Variants in LSAMP observed in about 807,000 individuals in gnomAD.
LSAMP encodes the protein limbic system associated membrane protein.
In LSAMP, 7 loss-of-function variants were observed where a neutral mutation model predicts 38.6. The observed-to-expected ratio is 0.18, with a 90% CI of 0.10 to 0.34. LSAMP has a LOEUF of 0.34. LSAMP is among the 10% of genes least tolerant of loss of function. The pLI, the probability that LSAMP is intolerant of heterozygous loss-of-function variation, is 1.00. For synonymous variants in LSAMP, 154 were observed against 166.8 expected, an observed-to-expected ratio of 0.92 and a Z score of 0.59; for missense variants, 313 against 420.0, an observed-to-expected ratio of 0.75 and a Z score of 2.23.
intron 1 of LSAMP, among the ~76,000 whole-genome samples, chr3:116,100,307 T>C (rs1374592611): frequency 6.6e-6 from 1 of 152,110 alleles, no homozygotes; most frequent in African/African-American, 2.4e-5. Context: ...CTCAAACTCC[T>C]GACCTCAAGT....
intron 1 of LSAMP, among the ~76,000 whole-genome samples, chr3:116,246,269 T>C (rs1032430525): frequency 2.0e-5 from 3 of 152,188 alleles, no homozygotes; most frequent in Non-Finnish European, 4.4e-5. Flanking sequence ...ACATTCTCTA[T>C]ATTCCTGAAT....
intron 2 of LSAMP, among the ~76,000 whole-genome samples, chr3:116,068,704 T>C (rs927425253): frequency 3.9e-5 from 6 of 152,232 alleles, no homozygotes; most frequent in African/African-American, 1.2e-4. Flanking sequence ...ATCAACTATC[T>C]CAACATTCTA....
At chr3:116,066,581 G>A (rs534257472) in intron 2 of LSAMP, among the ~76,000 whole-genome samples, 9 of 151,942 alleles carry the variant, frequency 5.9e-5, no homozygotes, top group African/African-American at 1.2e-4. Context: ...TTCTGATACC[G>A]CCACTTTCTG....
chr3:115,950,795 T>C (rs1938257310), intron 3 of LSAMP, among the ~76,000 whole-genome samples: 2 of 26,784 alleles, frequency 7.5e-5, no homozygotes, highest in Non-Finnish European at 1.2e-4. Context: ...AAGCAAGACT[T>C]AGCAAAAAAA....
chr3:115,961,015 A>C (rs1385834331), intron 3 of LSAMP, among the ~76,000 whole-genome samples: 1 of 152,204 alleles, frequency 6.6e-6, no homozygotes, highest in Non-Finnish European at 1.5e-5. Flanking sequence ...TGTGCAAGCC[A>C]CATTAAACCT....
intron 3 of LSAMP, among the ~76,000 whole-genome samples, chr3:116,019,045 G>A (rs796771207): frequency 1.6e-4 from 24 of 151,132 alleles, no homozygotes; most frequent in African/African-American, 5.6e-4. Context: ...AAACAACTAT[G>A]TAAAATTAAT....
chr3:116,418,085 C>T (rs1012478384), intron 1 of LSAMP, among the ~76,000 whole-genome samples: 1 of 152,188 alleles, frequency 6.6e-6, no homozygotes, highest in Non-Finnish European at 1.5e-5. Context: ...TATTCTGTCT[C>T]TTTCCCTCTC....
At chr3:116,316,544 G>A (rs1017874344) in intron 1 of LSAMP, among the ~76,000 whole-genome samples, 25 of 152,082 alleles carry the variant, frequency 1.6e-4, no homozygotes, top group Non-Finnish European at 2.9e-4. Context: ...AGACCGAGGC[G>A]GGTAGATCAC....
At chr3:116,066,532 C>A (rs1335565991) in intron 2 of LSAMP, among the ~76,000 whole-genome samples, 3 of 152,146 alleles carry the variant, frequency 2.0e-5, no homozygotes, top group South Asian at 2.1e-4. Flanking sequence ...ATTACCCCAT[C>A]CTCTTCACTC....
intron 6 of LSAMP, among the ~76,000 whole-genome samples, chr3:115,831,384 T>C (rs1439713901): frequency 6.6e-6 from 1 of 152,206 alleles, no homozygotes; most frequent in Non-Finnish European, 1.5e-5. Flanking sequence ...AATTTTTCGC[T>C]TGAGAGTTAC....
chr3:116,265,038 C>T (rs1053603759), intron 1 of LSAMP, among the ~76,000 whole-genome samples: 1 of 152,054 alleles, frequency 6.6e-6, no homozygotes, highest in Non-Finnish European at 1.5e-5. Context: ...TCCTAAGTCA[C>T]CTCATCAGCA....
At chr3:116,082,621 A>C (rs1336576656) in intron 2 of LSAMP, among the ~76,000 whole-genome samples, 1 of 152,166 alleles carries the variant, frequency 6.6e-6, no homozygotes, top group Non-Finnish European at 1.5e-5. Flanking sequence ...GAATAGCAAA[A>C]ACATGGAATC....
At chr3:116,365,737 A>G (rs1576164425) in intron 1 of LSAMP, among the ~76,000 whole-genome samples, 1 of 103,304 alleles carries the variant, frequency 9.7e-6, no homozygotes, top group East Asian at 2.5e-4. Context: ...ATTGGAAACC[A>G]TCATTCTCAG....
In LSAMP at chr3:116,108,572, G is replaced by A. The variant is rs149148288; in HGVS notation, c.156-22016C>T. On this transcript the variant is annotated intron_variant, in intron 1 of 6. Coordinates refer to ENST00000490035, the MANE Select transcript of LSAMP (RefSeq NM_002338.5). ...ACGGTGTTTCCGAGGCAATTAGGCA[G>A]CATCAGTCTTCAGCCGCTAAGCCAA... Among the ~76,000 whole-genome samples, 307 of 152,338 alleles carry A rather than the reference G, an allele frequency of 2.0e-3. 1 individual carries two copies. The highest frequency in any genetic ancestry group is 7.0e-3 in the African/African-American group (291 of 41,586).
chr3:115,810,026 G>A lies in LSAMP; in HGVS notation c.*291C>T, dbSNP rs1933765062. The A allele has an allele frequency of 3.3e-6, 1 of 298,914 alleles. No individual in the cohort carries two copies. Among genetic ancestry groups the A allele is most frequent in the South Asian group, 4.9e-5 (1 of 20,230 alleles). 18.5% of individuals were successfully genotyped at this position (298,914 alleles called of 1,614,324 possible). A position where few individuals can be genotyped will look rare whatever the true frequency, so the allele number is the denominator to read the frequency against. Reference sequence around the variant, plus strand: ...ACAGCATCCAGATGTCCTTAGTGTGGTGTAGTCTTTACACAGCATACATTT... The same window carrying A: ...ACAGCATCCAGATGTCCTTAGTGTGATGTAGTCTTTACACAGCATACATTT... On this transcript the variant is annotated 3_prime_UTR_variant, in exon 7 of 7. Coordinates refer to ENST00000490035, the MANE Select transcript of LSAMP (RefSeq NM_002338.5).
intron 1 of LSAMP, among the ~76,000 whole-genome samples, chr3:116,328,668 T>C (rs2047807919): frequency 1.3e-5 from 2 of 152,086 alleles, no homozygotes; most frequent in South Asian, 4.1e-4. Flanking sequence ...GGCATCATCA[T>C]TACTGCCTTG....
intron 1 of LSAMP, among the ~76,000 whole-genome samples, chr3:116,164,603 T>TATATATATATATATATAATCCAA (rs1559766261): frequency 8.3e-4 from 9 of 10,840 alleles, no homozygotes; most frequent in African/African-American, 1.5e-3. Context: ...ATAATCCAAA[T>TATATATATATATATATAATCCAA]ATATATATAT....
chr3:115,941,338 G>C (rs1226412150), intron 3 of LSAMP, among the ~76,000 whole-genome samples: 1 of 151,980 alleles, frequency 6.6e-6, no homozygotes, highest in African/African-American at 2.4e-5. Flanking sequence ...AATGTAACTT[G>C]GTATAGCCAT....
chr3:116,106,883 G>T (rs1708480173), intron 1 of LSAMP, among the ~76,000 whole-genome samples: 1 of 152,088 alleles, frequency 6.6e-6, no homozygotes, highest in African/African-American at 2.4e-5. Context: ...AGGGAAGGGA[G>T]GGGGCCTGAA....
Sources: allele counts gnomAD v4.1 joint callset (sites outside exome capture counted in the v4.1 genomes callset), GRCh38; gene constraint gnomAD v4.1.1; transcripts MANE v1.5; gene names NCBI Gene and HGNC (gene_info 2026-07-23, HGNC 2026-07-21).